CHD2: variants seen among roughly 807,000 people sequenced by gnomAD.
CHD2 encodes the protein chromodomain helicase DNA binding protein 2.
In CHD2, 28 loss-of-function variants were observed where a neutral mutation model predicts 243.9. That is an observed-to-expected ratio of 0.11 (90% CI 0.09 to 0.16). The LOEUF (loss-of-function observed/expected upper bound fraction) is 0.16. CHD2 is among the 10% of genes least tolerant of loss of function. CHD2 has a pLI of 1.00. For synonymous variants in CHD2, 775 were observed against 779.0 expected (o/e 0.99, Z 0.09); for missense variants, 1,386 against 2,209.8 (o/e 0.63, Z 7.47).
At chr15:92,989,025 C>CTTTTTTTT (rs34298248) in intron 26 of CHD2, among the ~76,000 whole-genome samples, 6 of 76,510 alleles carry the variant, frequency 7.8e-5, no homozygotes, top group African/African-American at 2.5e-4. Flanking sequence ...ATACTTCATA[C>CTTTTTTTT]TTTTTTTTTT....
At chr15:92,904,887 G>A in intron 2 of CHD2, 1 of 1,534,392 alleles carries the variant, frequency 6.5e-7, no homozygotes, top group Non-Finnish European at 8.7e-7. Context: ...CTCTTGACGG[G>A]TGTTAACAGC....
intron 37 of CHD2, 62 bp from the exon 38 acceptor site, chr15:93,019,950 G>A (rs906039114): frequency 2.8e-6 from 4 of 1,449,946 alleles, no homozygotes; most frequent in Non-Finnish European, 3.7e-6. Flanking sequence ...AAAAAAAATT[G>A]TAGTGAAAGT....
chr15:92,974,966 C>A lies in CHD2; in HGVS notation c.2577+16C>A, dbSNP rs774956644. 6.2e-7 allele frequency: 1 copy of A among 1,609,620 alleles called. No homozygotes were observed. Among genetic ancestry groups the A allele is most frequent in the Non-Finnish European group, 8.5e-7 (1 of 1,176,526 alleles). ...TGGGTCTGAGGTATACTATGCATGG[C>A]TTTGTTATTTGAGCAACTTGGGCTC... On this transcript the variant is annotated intron_variant, in intron 20 of 38. Coordinates refer to ENST00000394196, the MANE Select transcript of CHD2 (RefSeq NM_001271.4).
At chr15:92,959,906 A>C (rs992018471) in intron 16 of CHD2, among the ~76,000 whole-genome samples, 2 of 152,226 alleles carry the variant, frequency 1.3e-5, no homozygotes, top group Non-Finnish European at 2.9e-5. Flanking sequence ...TCAGGTTGTT[A>C]ATTTCTGCAA....
chr15:92,901,560 T>C (rs908827128), intron 2 of CHD2: 3 of 478,266 alleles, frequency 6.3e-6, no homozygotes, highest in South Asian at 8.9e-5. Flanking sequence ...AAGGGGCCTT[T>C]ACTGTAATGT....
At chr15:93,002,368 CA>C in intron 33 of CHD2, 51 bp downstream of exon 33, 1 of 1,563,126 alleles carries the variant, frequency 6.4e-7, no homozygotes. Flanking sequence ...TGCAATTCGC[CA>C]TTTGGATTTA....
chr15:92,991,392 T>C, intron 26 of CHD2, 84 bp from the exon 27 acceptor site: 1 of 997,954 alleles, frequency 1.0e-6, no homozygotes, highest in Non-Finnish European at 1.5e-6. Flanking sequence ...GCATGGCTCA[T>C]ATGTCATCAC....
intron 37 of CHD2, among the ~76,000 whole-genome samples, chr15:93,017,343 G>A (rs1204871861): frequency 2.0e-5 from 3 of 149,550 alleles, no homozygotes; most frequent in African/African-American, 7.4e-5. Flanking sequence ...TTTTTTGGGA[G>A]ATGGAGCCTC....
chr15:92,906,749 C>T (rs1054024106), intron 2 of CHD2, among the ~76,000 whole-genome samples: 1 of 145,998 alleles, frequency 6.8e-6, no homozygotes, highest in East Asian at 2.0e-4. Context: ...AAGAACTTGG[C>T]TTTCTTGATA....
intron 7 of CHD2, 98 bp downstream of exon 7, chr15:92,939,816 A>G (rs1006669470): frequency 3.2e-6 from 4 of 1,252,440 alleles, no homozygotes; most frequent in East Asian, 2.4e-5. Flanking sequence ...CTTAATAGAT[A>G]AAAATAACAG....
At chr15:93,003,576 G>C (rs1596451350) in intron 33 of CHD2, among the ~76,000 whole-genome samples, 1 of 144,886 alleles carries the variant, frequency 6.9e-6, no homozygotes, top group South Asian at 2.2e-4. Flanking sequence ...ACTTTAAGTG[G>C]CTTTTTTTTT....
rs146740020 is a variant in CHD2, at chr15:92,996,190, C to T, written c.3596-767C>T. Reference sequence around the variant, plus strand: ...TTTTTTTTTTTTTGAGATGGAGTCTCGCTCCATCTCCAAGGCTGGAGCACA... The same window carrying T: ...TTTTTTTTTTTTTGAGATGGAGTCTTGCTCCATCTCCAAGGCTGGAGCACA... On this transcript the variant is annotated intron_variant, in intron 28 of 38. Coordinates refer to ENST00000394196, the MANE Select transcript of CHD2 (RefSeq NM_001271.4). 5.8e-3 allele frequency among the ~76,000 whole-genome samples: 809 copies of T among 139,848 alleles called. 6 individuals are homozygous for T. Among genetic ancestry groups the T allele is most frequent in the African/African-American group, 0.02 (768 of 37,522 alleles). 91.7% of individuals were successfully genotyped at this position (139,848 alleles called of 152,430 possible).
chr15:92,951,927 T>A (rs2053559409), intron 13 of CHD2, among the ~76,000 whole-genome samples: 1 of 152,236 alleles, frequency 6.6e-6, no homozygotes, highest in Non-Finnish European at 1.5e-5. Flanking sequence ...GTGAATTAAA[T>A]GTCTTGTTTT....
chr15:92,958,702 A>G (rs769085338), intron 16 of CHD2, among the ~76,000 whole-genome samples: 1 of 152,254 alleles, frequency 6.6e-6, no homozygotes, highest in Non-Finnish European at 1.5e-5. Context: ...TTTCAGTGGT[A>G]TGAAAGCAAT....
intron 19 of CHD2, among the ~76,000 whole-genome samples, chr15:92,972,850 C>CAAA (rs758722546): frequency 2.7e-4 from 2 of 7,282 alleles, no homozygotes; most frequent in African/African-American, 2.6e-4. Flanking sequence ...GACTCCGTCT[C>CAAA]AAAAAAAAAA....
At chr15:92,957,634 A>G (rs538370776) in intron 16 of CHD2, among the ~76,000 whole-genome samples, 5 of 152,150 alleles carry the variant, frequency 3.3e-5, no homozygotes, top group Admixed American at 3.3e-4. Flanking sequence ...TTCAGTTGAT[A>G]GATATATGCT....
intron 2 of CHD2, among the ~76,000 whole-genome samples, chr15:92,907,432 A>G (rs2052643666): frequency 2.0e-5 from 3 of 152,224 alleles, no homozygotes; most frequent in African/African-American, 7.2e-5. Flanking sequence ...AGAATGTTTC[A>G]GAAGCATCCG....
chr15:92,972,185 A>G (rs2053850284), intron 18 of CHD2, 80 bp from the exon 19 acceptor site: 11 of 1,452,654 alleles, frequency 7.6e-6, no homozygotes, highest in Non-Finnish European at 1.0e-5. Flanking sequence ...GATGATTTTT[A>G]AAATATGGAT....
intron 5 of CHD2, 91 bp downstream of exon 5, chr15:92,929,182 C>G: frequency 8.1e-7 from 1 of 1,227,070 alleles, no homozygotes; most frequent in Middle Eastern, 1.9e-4. Flanking sequence ...TTAGTCTACT[C>G]CAGGTCCCTT....
Sources: gnomAD v4.1 joint callset for allele counts (sites outside exome capture counted in the v4.1 genomes callset) on GRCh38, gnomAD v4.1.1 for gene constraint, MANE v1.5 for transcripts, NCBI Gene and HGNC (gene_info 2026-07-23, HGNC 2026-07-21) for gene names.